The following SHC4 variants were observed in gnomAD, a reference collection of about 807,000 sequenced individuals.
The protein encoded by SHC4 is SHC adaptor protein 4, also known as SHC-transforming protein 4.
In SHC4, 41 loss-of-function variants were observed where a neutral mutation model predicts 69.4. The observed-to-expected ratio is 0.59, with a 90% CI of 0.46 to 0.77. The LOEUF (loss-of-function observed/expected upper bound fraction) is 0.77, where lower values mean the gene tolerates loss of function less well. SHC4 is among the 30% of genes least tolerant of loss of function. The probability of loss-of-function intolerance (pLI) is 0.00; values close to 1 mark genes in which losing one functional copy is unlikely to be tolerated. For missense variants in SHC4, 777 were observed against 783.8 expected (o/e 0.99, Z 0.10); for synonymous variants, 318 against 299.3 (o/e 1.06, Z -0.64).
chr15:48,877,272 GA>G, intron 4 of SHC4: 1 of 371,352 alleles, frequency 2.7e-6, no homozygotes, highest in Non-Finnish European at 3.8e-6. Context: ...CTAGTTGCAG[GA>G]AAACAAGCTC....
chr15:48,929,151 G>A (rs2141027018), intron 1 of SHC4, among the ~76,000 whole-genome samples: 1 of 152,316 alleles, frequency 6.6e-6, no homozygotes, highest in South Asian at 2.1e-4. Context: ...AAACACCGTG[G>A]TGAGGAAGCG....
intron 2 of SHC4, among the ~76,000 whole-genome samples, chr15:48,900,513 A>G (rs1467984932): frequency 6.6e-6 from 1 of 152,000 alleles, no homozygotes; most frequent in East Asian, 1.9e-4. Context: ...ACTCAAAAAA[A>G]AAAAAAGAAA....
At chr15:48,910,701 T>C (rs998756475) in intron 2 of SHC4, among the ~76,000 whole-genome samples, 3 of 152,102 alleles carry the variant, frequency 2.0e-5, no homozygotes, top group Non-Finnish European at 2.9e-5. Context: ...TAGACATTTA[T>C]GGCTATGAAC....
At chr15:48,926,091 C>G (rs1223514809) in intron 1 of SHC4, among the ~76,000 whole-genome samples, 1 of 152,050 alleles carries the variant, frequency 6.6e-6, no homozygotes, top group Non-Finnish European at 1.5e-5. Flanking sequence ...GTGGGGTATC[C>G]AGGAAATAAC....
chr15:48,878,361 A>AGGC (rs1417596370), intron 4 of SHC4: 7 of 1,613,072 alleles, frequency 4.3e-6, no homozygotes, highest in Admixed American at 1.7e-5. Context: ...GAGGAGGAGG[A>AGGC]GGCCCAGCCA....
At chr15:48,905,387 C>G (rs1900390038) in intron 2 of SHC4, among the ~76,000 whole-genome samples, 1 of 152,158 alleles carries the variant, frequency 6.6e-6, no homozygotes, top group Non-Finnish European at 1.5e-5. Context: ...GGCCAGACAT[C>G]CCCCAGGGCA....
At chr15:48,850,353 T>C (rs1262135563) in intron 9 of SHC4, among the ~76,000 whole-genome samples, 1 of 152,110 alleles carries the variant, frequency 6.6e-6, no homozygotes, top group African/African-American at 2.4e-5. Context: ...TCCTTCACTA[T>C]ATAAAAAATA....
intron 2 of SHC4, among the ~76,000 whole-genome samples, chr15:48,912,672 G>T (rs1900530288): frequency 1.3e-5 from 2 of 152,250 alleles, no homozygotes; most frequent in East Asian, 1.9e-4. Flanking sequence ...GCCTTGTTTT[G>T]TCATATTACC....
intron 2 of SHC4, among the ~76,000 whole-genome samples, chr15:48,907,576 C>T (rs889708660): frequency 2.8e-4 from 43 of 152,082 alleles, no homozygotes; most frequent in African/African-American, 9.9e-4. Context: ...CCCTTCCCCC[C>T]GATTCCCCAA....
At chr15:48,954,574 T>C (rs1424449926) in intron 1 of SHC4, among the ~76,000 whole-genome samples, 2 of 152,214 alleles carry the variant, frequency 1.3e-5, no homozygotes, top group Admixed American at 6.5e-5. Context: ...TTTGCTGCAC[T>C]GGAGGAGCAG....
At chr15:48,862,704 T>C (rs1476427832) in intron 6 of SHC4, among the ~76,000 whole-genome samples, 2 of 152,334 alleles carry the variant, frequency 1.3e-5, no homozygotes, top group African/African-American at 4.8e-5. Context: ...ACCAGTGGCC[T>C]GTTAATTGCT....
intron 1 of SHC4, among the ~76,000 whole-genome samples, chr15:48,925,402 C>T (rs995632388): frequency 4.6e-5 from 7 of 152,084 alleles, no homozygotes; most frequent in African/African-American, 1.7e-4. Flanking sequence ...AGAACAACGC[C>T]TGGTACATAC....
At position 48,963,641 on chromosome 15, in the gene SHC4, C is replaced by T. The variant is rs1240985675; in HGVS notation, c.-626G>A. Among the ~76,000 whole-genome samples, 1 of 152,180 alleles carries T rather than the reference C, an allele frequency of 6.6e-6. No individual in the cohort carries two copies. The highest frequency in any genetic ancestry group is 2.1e-4 in the South Asian group (1 of 4,826). ...CTCTTGGAAGATCTTGTCTTGCATC[C>T]CGTTCTGGGCCACCAGCCAGGAGTA... On this transcript the variant is annotated 5_prime_UTR_variant, in exon 1 of 12. Coordinates refer to ENST00000332408, the MANE Select transcript of SHC4 (RefSeq NM_203349.4).
At chr15:48,897,895 G>A (rs1238961286) in intron 2 of SHC4, among the ~76,000 whole-genome samples, 1 of 152,102 alleles carries the variant, frequency 6.6e-6, no homozygotes. Context: ...AAAAGTCAAC[G>A]ATACTCAGCC....
At chr15:48,914,638 T>G (rs916601949) in intron 2 of SHC4, among the ~76,000 whole-genome samples, 2 of 152,212 alleles carry the variant, frequency 1.3e-5, no homozygotes, top group Non-Finnish European at 2.9e-5. Context: ...GATTATCCTT[T>G]TCTTATTTGC....
At chr15:48,874,738 A>G (rs1159398431) in intron 4 of SHC4, among the ~76,000 whole-genome samples, 1 of 152,200 alleles carries the variant, frequency 6.6e-6, no homozygotes, top group Non-Finnish European at 1.5e-5. Context: ...GACTCATATC[A>G]AAACCCTATC....
chr15:48,917,289 GTGTC>G (rs1259036518), intron 2 of SHC4, among the ~76,000 whole-genome samples: 136 of 131,650 alleles, frequency 1.0e-3, no homozygotes, highest in Middle Eastern at 4.2e-3. Context: ...GTGTGTGTGT[GTGTC>G]AGATTCCTGA....
rs1251419397 is a variant in SHC4, at chr15:48,856,001, C to T, written c.1194G>A (p.Thr398=). Reference sequence around the variant, plus strand: ...GTATGGGGCAGTAAGCCATTTGTTCCGTGGCTTGAACTTTGATCCGCATAT... The same window carrying T: ...GTATGGGGCAGTAAGCCATTTGTTCTGTGGCTTGAACTTTGATCCGCATAT... ...VSDMRIKVQA[T]EQMAYCPIQC... is the part of the protein sequence containing the mutation. The change falls in exon 8 of 12, where the codon ACG becomes ACA. Residue 398 remains threonine, a synonymous_variant. Coordinates refer to ENST00000332408, the MANE Select transcript of SHC4 (RefSeq NM_203349.4). The T allele has an allele frequency of 6.2e-7, 1 of 1,613,824 alleles. No individual in the cohort carries two copies. Among genetic ancestry groups the T allele is most frequent in the Non-Finnish European group, 8.5e-7 (1 of 1,179,846 alleles).
At chr15:48,878,240 A>C in intron 4 of SHC4, 1 of 1,610,248 alleles carries the variant, frequency 6.2e-7, no homozygotes, top group East Asian at 2.2e-5. Context: ...GATGGATGTG[A>C]TGCCTGGCGA....
Sources: gnomAD v4.1 joint callset for allele counts (sites outside exome capture counted in the v4.1 genomes callset) on GRCh38, gnomAD v4.1.1 for gene constraint, MANE v1.5 for transcripts, NCBI Gene and HGNC (gene_info 2026-07-23, HGNC 2026-07-21) for gene names.